LETMD1: variants seen among roughly 807,000 people sequenced by gnomAD.
LETMD1 encodes LETM1 domain-containing protein 1.
A neutral mutation model predicts 43.9 loss-of-function variants in LETMD1; 30 were observed. That is an observed-to-expected ratio of 0.68 (90% CI 0.51 to 0.93). LETMD1 has a LOEUF of 0.93. Ranked by LOEUF, LETMD1 falls within the 40% of genes least tolerant of loss-of-function variation. LETMD1 has a pLI of 0.00. For missense variants in LETMD1, 413 were observed against 447.7 expected, an observed-to-expected ratio of 0.92 and a Z score of 0.70; for synonymous variants, 176 against 163.1, an observed-to-expected ratio of 1.08 and a Z score of -0.60.
In LETMD1 at chr12:51,052,022, G is replaced by T. The variant is rs188708111; in HGVS notation, c.275-70G>T. The T allele has an allele frequency of 2.2e-5, 30 of 1,392,756 alleles. No homozygotes were observed. In the East Asian group the frequency reaches 3.7e-4, roughly 17 times the overall value. The allele number at this position is 1,392,756 out of a possible 1,614,324, so 86.3% of individuals were successfully genotyped here. A position where few individuals can be genotyped will look rare whatever the true frequency, so the allele number is the denominator to read the frequency against. ...GAGTGTTTGCATGTGATTGAACATG[G>T]AGTAGGAAGCTGTGGTTAAGATTTA... is the stretch of plus-strand genomic sequence containing the variant. On this transcript the variant is annotated intron_variant, in intron 2 of 8. Transcript: ENST00000262055.
intron 4 of LETMD1, among the ~76,000 whole-genome samples, chr12:51,055,115 A>T (rs1238098498): frequency 6.6e-6 from 1 of 151,896 alleles, no homozygotes; most frequent in African/African-American, 2.4e-5. Context: ...AAAAACAACA[A>T]ATCAGTTGCC....
rs1946856146 is a variant in LETMD1, at chr12:51,053,810, A to G, written c.423A>G (p.Leu141=). Residue 141 remains leucine (L), a synonymous_variant, in exon 4 of 9, where the codon CTA becomes CTG. Coordinates refer to ENST00000262055, the MANE Select transcript of LETMD1 (RefSeq NM_015416.5). ...FRQDVTKCLF[L]GIISIPPFAN... is the part of the protein sequence containing the mutation. Reference sequence around the variant, plus strand: ...AAGACGTCACCAAGTGTCTTTTCCTAGGTATTATTTCCATTCCACCTTTTG... The same window carrying G: ...AAGACGTCACCAAGTGTCTTTTCCTGGGTATTATTTCCATTCCACCTTTTG... The G allele has an allele frequency of 6.2e-7, 1 of 1,613,500 alleles. No individual in the cohort carries two copies.
rs1944897449 is a variant in LETMD1 at position 51,048,346 on chromosome 12, T to C, written c.-11T>C. 6.2e-7 allele frequency: 1 copy of C among 1,613,960 alleles called. No individual in the cohort carries two copies. Among genetic ancestry groups the C allele is most frequent in the African/African-American group, 1.3e-5 (1 of 74,908 alleles). On this transcript the variant is annotated 5_prime_UTR_variant, in exon 1 of 9. Coordinates refer to ENST00000262055, the MANE Select transcript of LETMD1 (RefSeq NM_015416.5). ...GACAACCTCTTCTCTCCCGCTTCTCTCGCTGTGAAGATGGCGCTCTCCAGG... is the reference window on the plus strand; with the variant it reads ...GACAACCTCTTCTCTCCCGCTTCTCCCGCTGTGAAGATGGCGCTCTCCAGG...
Position 51,058,049 on chromosome 12 carries a change from C to T in LETMD1, c.933C>T (p.Gly311=), listed in dbSNP as rs1177977966. ...TGGTATAGGCTTGTTATCTCCGTGG[C>T]CTGAATTCTACGCATATTGGTGAAG... The part of the protein sequence containing the change: ...QEVKSACYLR[G]LNSTHIGEDR... The change falls in exon 8 of 9, where the codon GGC becomes GGT. Residue 311 remains glycine (G), a synonymous_variant. Coordinates refer to ENST00000262055, the MANE Select transcript of LETMD1 (RefSeq NM_015416.5). 1.2e-6 allele frequency: 2 copies of T among 1,612,432 alleles called. No individual in the cohort carries two copies. Among genetic ancestry groups the T allele is most frequent in the East Asian group, 2.2e-5 (1 of 44,870 alleles).
chr12:51,051,622 A>T (rs1436092902), intron 2 of LETMD1, among the ~76,000 whole-genome samples: 2 of 150,160 alleles, frequency 1.3e-5, no homozygotes, highest in Non-Finnish European at 3.0e-5. Context: ...TGGGAGAATT[A>T]TATAAACCTG....
At chr12:51,059,293 A>T in intron 8 of LETMD1, 68 bp from the exon 9 acceptor site, 1 of 1,415,686 alleles carries the variant, frequency 7.1e-7, no homozygotes, top group Non-Finnish European at 1.0e-6. Flanking sequence ...CTCCAGGCTT[A>T]AGCCATATAT....
downstream of LETMD1, chr12:51,063,879 T>C: frequency 6.2e-7 from 1 of 1,613,968 alleles, no homozygotes; most frequent in Non-Finnish European, 8.5e-7. Context: ...CCAGGAAGGG[T>C]GGAAGTCTTC....
the LETMD1 span, among the ~76,000 whole-genome samples, chr12:51,068,782 T>G: frequency 2.0e-5 from 3 of 151,506 alleles, no homozygotes; most frequent in Non-Finnish European, 2.9e-5. Flanking sequence ...ACTACCTTCT[T>G]GAAAAAAAAA....
the LETMD1 span, among the ~76,000 whole-genome samples, chr12:51,068,488 T>C: frequency 3.9e-5 from 6 of 152,190 alleles, no homozygotes; most frequent in African/African-American, 1.4e-4. Flanking sequence ...CTGGCTGCTA[T>C]ATTCACTAGC....
intron 1 of LETMD1, 56 bp from the exon 2 acceptor site, chr12:51,048,978 G>A (rs1945155022): frequency 2.0e-6 from 3 of 1,508,586 alleles, no homozygotes; most frequent in Admixed American, 1.9e-5. Context: ...GGGACTCAAG[G>A]CGTGAGGGAG....
downstream of LETMD1, chr12:51,062,541 C>T (rs1046807611): frequency 7.9e-5 from 12 of 152,158 alleles, no homozygotes; most frequent in African/African-American, 2.9e-4. Flanking sequence ...ATAATTAGAA[C>T]TTGAATCCTT....
Position 51,048,523 on chromosome 12 carries a change from T to G in LETMD1, c.122+45T>G, listed in dbSNP as rs374744444. On this transcript the variant is annotated intron_variant, in intron 1 of 8. Transcript: ENST00000262055. ...AAAAGCATTTTTGACGTCCAGGCTC[T>G]TTCAGTGTCTCAACCTTGCTTGCAT... 4 of 1,604,922 alleles carry G rather than the reference T, an allele frequency of 2.5e-6. No homozygotes were observed. In the African/African-American group the frequency reaches 4.0e-5, roughly 16 times the overall value.
downstream of LETMD1, chr12:51,062,737 T>C (rs963960982): frequency 6.6e-6 from 1 of 152,212 alleles, no homozygotes; most frequent in Non-Finnish European, 1.5e-5. Context: ...GAACAAAAAC[T>C]GATTGGTGAC....
the LETMD1 span, among the ~76,000 whole-genome samples, chr12:51,065,601 G>A: frequency 6.6e-6 from 1 of 152,020 alleles, no homozygotes; most frequent in African/African-American, 2.4e-5. Context: ...GGGATTACAG[G>A]TGTGAGCCAC....
rs7976431 is a variant in LETMD1, at chr12:51,049,411, G to T, written c.274+226G>T. 0.48 allele frequency: 223,838 copies of T among 470,778 alleles called. 58,780 individuals carry two copies. The highest frequency in any genetic ancestry group is 0.57 in the Non-Finnish European group (151,328 of 263,700). The allele number at this position is 470,778 out of a possible 1,614,324, so 29.2% of individuals were successfully genotyped here. ...AACTTATGACAGCAACATGAGGGAG[G>T]GAGAATATAGGTATGTTCTCGTACT... On this transcript the variant is annotated intron_variant, in intron 2 of 8. Coordinates refer to ENST00000262055, the MANE Select transcript of LETMD1 (RefSeq NM_015416.5).
At chr12:51,068,167 AT>A in the LETMD1 span, among the ~76,000 whole-genome samples, 1 of 152,050 alleles carries the variant, frequency 6.6e-6, no homozygotes, top group East Asian at 1.9e-4. Context: ...CATTTTATTT[AT>A]TTTTTTGAGA....
the LETMD1 span, among the ~76,000 whole-genome samples, chr12:51,068,124 T>C: frequency 1.3e-5 from 2 of 152,230 alleles, no homozygotes; most frequent in Non-Finnish European, 1.5e-5. Context: ...ATGTGGCTAC[T>C]GAGCACTAGA....
chr12:51,064,059 G>C (rs771239042), downstream of LETMD1: 1 of 1,614,114 alleles, frequency 6.2e-7, no homozygotes, highest in Non-Finnish European at 8.5e-7. Context: ...GAAAGAGGCT[G>C]AGCCTTCTTC....
chr12:51,063,920 G>C (rs373706626), downstream of LETMD1: 13 of 1,613,814 alleles, frequency 8.1e-6, no homozygotes, highest in Admixed American at 1.7e-5. Context: ...TACAATCTTC[G>C]GGCAATAGAG....
Sources: allele counts gnomAD v4.1 joint callset (sites outside exome capture counted in the v4.1 genomes callset), GRCh38; gene constraint gnomAD v4.1.1; transcripts MANE v1.5; gene names NCBI Gene and HGNC (gene_info 2026-07-23, HGNC 2026-07-21).